The following ZNF257 variants were observed in gnomAD, a reference collection of about 807,000 sequenced individuals.
The protein encoded by ZNF257 is zinc finger protein 257, also known as bone marrow zinc finger 4.
A neutral mutation model predicts 11.9 loss-of-function variants in ZNF257; 12 were observed. The ratio of observed to expected loss-of-function variants is 1.01; its 90% CI spans 0.65 to 1.63. The LOEUF is 1.63. Among genes scored for constraint, ZNF257 ranks in the 40% most tolerant of loss-of-function variants. ZNF257 has a pLI of 0.00. For missense variants in ZNF257, 580 were observed against 665.5 expected, an observed-to-expected ratio of 0.87 and a Z score of 1.41; for synonymous variants, 183 against 222.7, an observed-to-expected ratio of 0.82 and a Z score of 1.59.
At position 22,053,651 on chromosome 19, in the gene ZNF257, C is replaced by T. The variant is rs144220574; in HGVS notation, c.3+1016C>T. Among the ~76,000 whole-genome samples, 385 of 152,240 alleles carry T rather than the reference C, an allele frequency of 2.5e-3. 1 individual carries two copies. Among genetic ancestry groups the T allele is most frequent in the African/African-American group, 8.9e-3 (370 of 41,560 alleles). ...TATAAAAACATGCGTTTGAGGCCGG[C>T]GCTGTGGCTCACGCTTGTAATCCGA... On this transcript the variant is annotated intron_variant, in intron 1 of 3. Transcript: ENST00000594947.
intron 1 of ZNF257, among the ~76,000 whole-genome samples, chr19:22,060,135 T>G (rs1352463631): frequency 6.6e-6 from 1 of 152,242 alleles, no homozygotes; most frequent in African/African-American, 2.4e-5. Context: ...GCATGTGTCA[T>G]GATGGAATAA....
intron 3 of ZNF257, among the ~76,000 whole-genome samples, chr19:22,080,692 T>A (rs2145712662): frequency 6.6e-6 from 1 of 151,818 alleles, no homozygotes; most frequent in South Asian, 2.1e-4. Context: ...ATTGCTATTT[T>A]ATCTGAATTT....
At chr19:22,085,689 TGC>T (rs1491546024) in intron 3 of ZNF257, among the ~76,000 whole-genome samples, 5 of 139,754 alleles carry the variant, frequency 3.6e-5, no homozygotes, top group Middle Eastern at 7.1e-3. Context: ...CACACACACA[TGC>T]ACACACACAC....
intron 3 of ZNF257, among the ~76,000 whole-genome samples, chr19:22,077,761 C>T (rs545857763): frequency 6.6e-6 from 1 of 152,136 alleles, no homozygotes; most frequent in South Asian, 2.1e-4. Context: ...TCCTGTGTTG[C>T]ATATTATAGA....
chr19:22,079,609 C>A (rs1231374152), intron 3 of ZNF257, among the ~76,000 whole-genome samples: 1 of 152,086 alleles, frequency 6.6e-6, no homozygotes, highest in African/African-American at 2.4e-5. Flanking sequence ...TATTCACTAT[C>A]ACAAGAACAG....
chr19:22,064,941 CT>C (rs1304660492), intron 1 of ZNF257, among the ~76,000 whole-genome samples: 1 of 151,700 alleles, frequency 6.6e-6, no homozygotes, highest in Non-Finnish European at 1.5e-5. Flanking sequence ...ATAGTCCCAG[CT>C]GTTCCGGAGG....
At chr19:22,067,370 C>T (rs1039031400) in intron 1 of ZNF257, among the ~76,000 whole-genome samples, 2 of 152,164 alleles carry the variant, frequency 1.3e-5, no homozygotes, top group African/African-American at 2.4e-5. Context: ...TGTATCTCCT[C>T]TTGCTAAAAT....
intron 1 of ZNF257, chr19:22,065,705 C>T (rs1376795428): frequency 6.6e-6 from 1 of 152,112 alleles, no homozygotes; most frequent in African/African-American, 2.4e-5. Flanking sequence ...TGGAATGCTG[C>T]TATTACAGGA....
At chr19:22,056,103 C>T (rs1284350346) in intron 1 of ZNF257, among the ~76,000 whole-genome samples, 1 of 151,858 alleles carries the variant, frequency 6.6e-6, no homozygotes, top group African/African-American at 2.4e-5. Context: ...TCTTGACCTC[C>T]GATTTTTTAA....
At chr19:22,081,079 A>C (rs1277690117) in intron 3 of ZNF257, among the ~76,000 whole-genome samples, 1 of 151,822 alleles carries the variant, frequency 6.6e-6, no homozygotes, top group Admixed American at 6.6e-5. Flanking sequence ...GGGTTTCACC[A>C]TGTTAACCAG....
intron 1 of ZNF257, among the ~76,000 whole-genome samples, chr19:22,057,046 G>A (rs2021661529): frequency 6.6e-6 from 1 of 152,078 alleles, no homozygotes; most frequent in South Asian, 2.1e-4. Flanking sequence ...TGATTTCTGA[G>A]TTTAATGTTA....
intron 1 of ZNF257, among the ~76,000 whole-genome samples, chr19:22,057,572 T>G (rs1376189930): frequency 6.6e-6 from 1 of 152,160 alleles, no homozygotes; most frequent in East Asian, 1.9e-4. Flanking sequence ...CTAGACTTTG[T>G]AAAATATAAG....
intron 1 of ZNF257, among the ~76,000 whole-genome samples, chr19:22,053,172 C>G (rs1192896628): frequency 6.6e-6 from 1 of 151,540 alleles, no homozygotes; most frequent in Non-Finnish European, 1.5e-5. Flanking sequence ...AGATTGAGAC[C>G]ATTCTGGCCA....
intron 3 of ZNF257, among the ~76,000 whole-genome samples, chr19:22,082,596 C>G (rs1363944589): frequency 6.6e-6 from 1 of 152,034 alleles, no homozygotes; most frequent in Non-Finnish European, 1.5e-5. Flanking sequence ...TATTATTGGT[C>G]AGGTATGATT....
At chr19:22,070,871 G>C (rs11878711) in intron 1 of ZNF257, among the ~76,000 whole-genome samples, 7,576 of 152,178 alleles carry the variant, frequency 0.05, 656 homozygotes, top group African/African-American at 0.17. Context: ...TGATTTGTAA[G>C]CTCATTAAAG....
At chr19:22,086,657 T>C (rs552430612) in intron 3 of ZNF257, among the ~76,000 whole-genome samples, 1 of 151,972 alleles carries the variant, frequency 6.6e-6, no homozygotes, top group Non-Finnish European at 1.5e-5. Flanking sequence ...GGTCTTTTTT[T>C]TTTATTTATT....
chr19:22,073,662 AT>A, intron 3 of ZNF257, 98 bp downstream of exon 3: 3 of 1,425,352 alleles, frequency 2.1e-6, no homozygotes. Flanking sequence ...CGGAAGCTGT[AT>A]TCCAAGGGAT....
intron 3 of ZNF257, among the ~76,000 whole-genome samples, chr19:22,079,176 T>C (rs2022302803): frequency 6.6e-6 from 1 of 152,154 alleles, no homozygotes; most frequent in South Asian, 2.1e-4. Flanking sequence ...GGAAGATCAT[T>C]TGATCTTTTA....
chr19:22,067,189 T>C (rs1467575702), intron 1 of ZNF257, among the ~76,000 whole-genome samples: 2 of 152,178 alleles, frequency 1.3e-5, no homozygotes, highest in African/African-American at 2.4e-5. Flanking sequence ...CTAGAGAAGC[T>C]AGACCAGATT....
Sources: allele counts gnomAD v4.1 joint callset (sites outside exome capture counted in the v4.1 genomes callset), GRCh38; gene constraint gnomAD v4.1.1; transcripts MANE v1.5; gene names NCBI Gene and HGNC (gene_info 2026-07-23, HGNC 2026-07-21).